The following VPS54 variants were observed in gnomAD, a reference collection of about 807,000 sequenced individuals.
The protein encoded by VPS54 is VPS54 subunit of GARP complex, also known as vacuolar protein sorting-associated protein 54.
VPS54 carries 45 observed loss-of-function variants against 121.5 expected under a neutral mutation model. That is an observed-to-expected ratio of 0.37 (90% CI 0.29 to 0.47). VPS54 has a LOEUF of 0.47. VPS54 is among the 20% of genes least tolerant of loss of function. VPS54 has a pLI of 0.99. For synonymous variants in VPS54, 371 were observed against 385.8 expected (o/e 0.96, Z 0.45); for missense variants, 1,090 against 1,131.4 (o/e 0.96, Z 0.52).
At chr2:63,957,650 C>T (rs922660675) in intron 7 of VPS54, among the ~76,000 whole-genome samples, 2 of 152,052 alleles carry the variant, frequency 1.3e-5, no homozygotes, top group Non-Finnish European at 2.9e-5. Flanking sequence ...TATACAGATA[C>T]ATCATACCCC....
intron 1 of VPS54, among the ~76,000 whole-genome samples, chr2:63,986,743 C>T (rs71422399): frequency 0.18 from 27,167 of 152,176 alleles, 3,110 homozygotes; most frequent in Middle Eastern, 0.27. Flanking sequence ...TCCACATCTT[C>T]GCAAGCACTT....
intron 1 of VPS54, among the ~76,000 whole-genome samples, chr2:64,003,277 T>C (rs1321599680): frequency 1.3e-5 from 2 of 152,200 alleles, no homozygotes; most frequent in Non-Finnish European, 2.9e-5. Flanking sequence ...TTAACTACCA[T>C]CTAGAAACAA....
chr2:63,964,922 T>C (rs1473466809), intron 6 of VPS54, among the ~76,000 whole-genome samples: 1 of 152,206 alleles, frequency 6.6e-6, no homozygotes, highest in Non-Finnish European at 1.5e-5. Context: ...TTTAGAAGAC[T>C]CTTGATAAGT....
intron 1 of VPS54, among the ~76,000 whole-genome samples, chr2:63,989,258 G>A (rs1677200857): frequency 6.6e-6 from 1 of 152,122 alleles, no homozygotes; most frequent in African/African-American, 2.4e-5. Context: ...TTGTGACCTT[G>A]CCCTGTCCAT....
At chr2:63,996,373 C>A (rs989470514) in intron 1 of VPS54, among the ~76,000 whole-genome samples, 1 of 152,146 alleles carries the variant, frequency 6.6e-6, no homozygotes, top group Non-Finnish European at 1.5e-5. Context: ...ATCTCTTAAT[C>A]CCATCATCCT....
chr2:63,901,541 G>T (rs544293696), intron 20 of VPS54, among the ~76,000 whole-genome samples: 1 of 152,280 alleles, frequency 6.6e-6, no homozygotes, highest in South Asian at 2.1e-4. Flanking sequence ...AGATCATATA[G>T]ATCCACTCCC....
chr2:64,008,879 A>G (rs1248901362), intron 1 of VPS54, among the ~76,000 whole-genome samples: 1 of 152,266 alleles, frequency 6.6e-6, no homozygotes, highest in Admixed American at 6.5e-5. Context: ...ATAATAGCTT[A>G]CTTTCAGATG....
chr2:63,928,741 C>G (rs1236069740), intron 12 of VPS54, among the ~76,000 whole-genome samples: 1 of 150,704 alleles, frequency 6.6e-6, no homozygotes, highest in Non-Finnish European at 1.5e-5. Context: ...CAAGACCCAT[C>G]GGTGTGCTAC....
At chr2:63,986,172 T>TTAA (rs1381100410) in intron 1 of VPS54, among the ~76,000 whole-genome samples, 1 of 152,140 alleles carries the variant, frequency 6.6e-6, no homozygotes, top group African/African-American at 2.4e-5. Context: ...AAAAATGACT[T>TTAA]TTTACTCTAA....
intron 1 of VPS54, among the ~76,000 whole-genome samples, chr2:64,007,578 T>C (rs186234079): frequency 6.6e-6 from 1 of 152,128 alleles, no homozygotes; most frequent in African/African-American, 2.4e-5. Flanking sequence ...GGAGAAAAAA[T>C]ATTCTTGTAG....
intron 7 of VPS54, among the ~76,000 whole-genome samples, chr2:63,951,941 C>T (rs1675268984): frequency 6.6e-6 from 1 of 152,106 alleles, no homozygotes. Flanking sequence ...TTTCCACAGA[C>T]AAAATATTGA....
chr2:63,983,746 C>CA, intron 2 of VPS54, 118 bp downstream of exon 2: 1 of 1,350,404 alleles, frequency 7.4e-7, no homozygotes, highest in South Asian at 1.7e-5. Flanking sequence ...CCGGCCCCCC[C>CA]AAATGATTTT....
chr2:63,948,008 TA>T (rs1213079508), intron 8 of VPS54, among the ~76,000 whole-genome samples: 1 of 152,124 alleles, frequency 6.6e-6, no homozygotes. Context: ...GGCTAATTTT[TA>T]AATTTGTTTT....
At chr2:63,937,460 T>C (rs1674504015) in intron 11 of VPS54, among the ~76,000 whole-genome samples, 1 of 152,180 alleles carries the variant, frequency 6.6e-6, no homozygotes, top group Non-Finnish European at 1.5e-5. Context: ...CTCATACCCA[T>C]TAGGATGGCT....
Position 63,921,173 on chromosome 2 carries a change from AT to A in VPS54, c.1869+32del, listed in dbSNP as rs769821891. On this transcript the variant is annotated intron_variant, in intron 13 of 22. Transcript: ENST00000272322. ...TTCCAGATCTTCAAAATTATTACGT[AT>A]AAAATATATAAAGCTTTATGAAAAT... 4.4e-6 allele frequency: 7 copies of A among 1,578,162 alleles called. No individual in the cohort carries two copies. The Admixed American group carries it at 1.3e-4, about 28-fold the overall frequency.
intron 1 of VPS54, among the ~76,000 whole-genome samples, chr2:64,003,264 A>G (rs563138389): frequency 7.2e-5 from 11 of 152,338 alleles, no homozygotes; most frequent in African/African-American, 2.4e-4. Flanking sequence ...CTGATAGTTC[A>G]AGTTAACTAC....
intron 20 of VPS54, among the ~76,000 whole-genome samples, chr2:63,909,413 C>CTTT (rs5831673): frequency 7.2e-5 from 5 of 69,922 alleles, no homozygotes; most frequent in Admixed American, 3.8e-4. Flanking sequence ...TATTAGCTGC[C>CTTT]TTTTTTTTTT....
intron 1 of VPS54, among the ~76,000 whole-genome samples, chr2:64,002,280 C>A (rs1259819129): frequency 3.3e-5 from 5 of 152,156 alleles, no homozygotes; most frequent in Non-Finnish European, 4.4e-5. Context: ...CTTCTTTGGG[C>A]AATATGAAGT....
At chr2:63,973,799 C>T (rs988719601) in intron 3 of VPS54, among the ~76,000 whole-genome samples, 1 of 152,206 alleles carries the variant, frequency 6.6e-6, no homozygotes, top group Non-Finnish European at 1.5e-5. Flanking sequence ...TCCACCTCCA[C>T]CTCCCAAAGT....
Sources: gnomAD v4.1 joint callset for allele counts (sites outside exome capture counted in the v4.1 genomes callset) on GRCh38, gnomAD v4.1.1 for gene constraint, MANE v1.5 for transcripts, NCBI Gene and HGNC (gene_info 2026-07-23, HGNC 2026-07-21) for gene names.